The following NUDT21 variants were observed in gnomAD, a reference collection of about 807,000 sequenced individuals.
The protein encoded by NUDT21 is cleavage and polyadenylation specificity factor subunit 5.
Under a neutral mutation model 29.8 loss-of-function variants are expected in NUDT21, and 5 were observed. The ratio of observed to expected loss-of-function variants is 0.17; its 90% CI spans 0.09 to 0.35. NUDT21 has a LOEUF of 0.35. NUDT21 is among the 10% of genes least tolerant of loss of function. The pLI, the probability that NUDT21 is intolerant of heterozygous loss-of-function variation, is 1.00. For missense variants in NUDT21, 76 were observed against 276.0 expected (o/e 0.28, Z 5.13); for synonymous variants, 113 against 98.5 (o/e 1.15, Z -0.87).
chr16:56,450,955 G>T, intron 1 of NUDT21, 132 bp downstream of exon 1: 1 of 686,134 alleles, frequency 1.5e-6, no homozygotes, highest in South Asian at 1.7e-5. Context: ...GGAGGAAGGC[G>T]CGCATCCGCC....
intron 6 of NUDT21, among the ~76,000 whole-genome samples, chr16:56,433,239 A>T (rs1962056533): frequency 6.6e-6 from 1 of 152,232 alleles, no homozygotes; most frequent in Non-Finnish European, 1.5e-5. Flanking sequence ...AATTTCACTA[A>T]CATTTATTAA....
chr16:56,446,513 AGTTGTATTTATT>A, intron 3 of NUDT21, 101 bp downstream of exon 3: 1 of 603,572 alleles, frequency 1.7e-6, no homozygotes, highest in Non-Finnish European at 3.0e-6. Context: ...CTGGAGTTTA[AGTTGTATTTATT>A]GAAAACTAAA....
intron 4 of NUDT21, among the ~76,000 whole-genome samples, chr16:56,435,599 G>A (rs1353405173): frequency 5.4e-5 from 8 of 147,268 alleles, no homozygotes; most frequent in Admixed American, 1.3e-4. Flanking sequence ...GGTGGCGGGC[G>A]CCTGTAGTCC....
In NUDT21 at chr16:56,451,166, A is replaced by G; in HGVS notation, c.37T>C (p.Trp13Arg). 6.2e-7 allele frequency: 1 copy of G among 1,612,826 alleles called. No homozygotes were observed. The highest frequency in any genetic ancestry group is 8.5e-7 in the Non-Finnish European group (1 of 1,179,456). ...VVPPNRSQTG[W>R]PRGVTQFGNK... ...CCGAACTGAGTGACCCCCCGGGGCC[A>G]GCCGGTCTGCGAGCGATTGGGCGGT... Residue 13 changes from tryptophan (W) to arginine (R), a missense_variant, in exon 1 of 7, where the codon TGG becomes CGG. This residue lies in a region of NUDT21 where 3 missense variants were observed against 23.9 expected (regional missense o/e 0.13). Transcript: ENST00000300291.
intron 3 of NUDT21, among the ~76,000 whole-genome samples, chr16:56,443,876 G>A (rs1424976757): frequency 6.6e-6 from 1 of 152,134 alleles, no homozygotes; most frequent in Non-Finnish European, 1.5e-5. Flanking sequence ...CCAGCCTCAG[G>A]TATTCTGTTA....
At position 56,434,751 on chromosome 16, in the gene NUDT21, T is replaced by G; in HGVS notation, c.547+3A>C. 1 of 1,573,644 alleles carries G rather than the reference T, an allele frequency of 6.4e-7. No individual in the cohort carries two copies. ...GGCTACCTTTGAAAACAAAATAACT[T>G]ACCTTTTTCTTGAAGCTGAACCAGA... On this transcript the variant is annotated splice_donor_region_variant and intron_variant, in intron 5 of 6. Coordinates refer to ENST00000300291, the MANE Select transcript of NUDT21 (RefSeq NM_007006.3).
rs557835325 is a variant in NUDT21 at position 56,436,013 on chromosome 16, T to A, written c.472-1184A>T. Among the ~76,000 whole-genome samples the A allele has an allele frequency of 2.8e-3, 414 of 146,662 alleles. 2 individuals are homozygous for A. The highest frequency in any genetic ancestry group is 9.5e-3 in the African/African-American group (384 of 40,386). On this transcript the variant is annotated intron_variant, in intron 4 of 6. Coordinates refer to ENST00000300291, the MANE Select transcript of NUDT21 (RefSeq NM_007006.3). ...TTACTCGAGGAAACAAATATAAAAA[T>A]ATATATATAATATATATGTATATTT...
At chr16:56,444,421 T>C (rs1349516237) in intron 3 of NUDT21, among the ~76,000 whole-genome samples, 3 of 151,558 alleles carry the variant, frequency 2.0e-5, no homozygotes, top group African/African-American at 7.3e-5. Flanking sequence ...CCATCTCTAC[T>C]AAAAATATAA....
At chr16:56,435,743 T>TTTTATATATATATATATATA (rs1555514701) in intron 4 of NUDT21, among the ~76,000 whole-genome samples, 1 of 27,070 alleles carries the variant, frequency 3.7e-5, no homozygotes, top group African/African-American at 1.4e-4. Context: ...AAAAAAAAAA[T>TTTTATATATATATATATATA]TATATATATA....
chr16:56,434,610 T>G, intron 5 of NUDT21, 144 bp downstream of exon 5: 1 of 773,232 alleles, frequency 1.3e-6, no homozygotes, highest in Non-Finnish European at 2.2e-6. Flanking sequence ...AGCCACAGAT[T>G]TGAAACTAAA....
intron 3 of NUDT21, among the ~76,000 whole-genome samples, chr16:56,439,968 C>T (rs908413381): frequency 5.3e-5 from 8 of 152,138 alleles, no homozygotes; most frequent in African/African-American, 1.9e-4. Context: ...AAATTGTGTT[C>T]AAAATTCAGC....
intron 4 of NUDT21, among the ~76,000 whole-genome samples, chr16:56,437,892 T>TTAGCATA (rs1962121685): frequency 6.7e-6 from 1 of 150,326 alleles, no homozygotes; most frequent in Non-Finnish European, 1.5e-5. Flanking sequence ...TAGCAGCATA[T>TTAGCATA]TTTTTTTTTC....
chr16:56,441,883 ATCTTT>A (rs1327038680), intron 3 of NUDT21, among the ~76,000 whole-genome samples: 2 of 152,122 alleles, frequency 1.3e-5, no homozygotes, highest in East Asian at 3.9e-4. Context: ...TATTAATTTC[ATCTTT>A]TCTAAGACAT....
At chr16:56,445,404 C>T (rs186200689) in intron 3 of NUDT21, among the ~76,000 whole-genome samples, 2 of 152,330 alleles carry the variant, frequency 1.3e-5, no homozygotes, top group East Asian at 1.9e-4. Context: ...CCCCCTCAAG[C>T]ATTTATCCTT....
chr16:56,434,204 G>A, intron 6 of NUDT21, 127 bp downstream of exon 6: 1 of 667,590 alleles, frequency 1.5e-6, no homozygotes, highest in Non-Finnish European at 2.7e-6. Context: ...CATGATCTAA[G>A]AGTCTATCTA....
chr16:56,433,445 G>C (rs547316902), intron 6 of NUDT21, among the ~76,000 whole-genome samples: 2 of 152,318 alleles, frequency 1.3e-5, no homozygotes, highest in South Asian at 2.1e-4. Flanking sequence ...ACTGACTGCA[G>C]AATCTACTTT....
intron 4 of NUDT21, among the ~76,000 whole-genome samples, chr16:56,438,738 G>A (rs1460988149): frequency 6.6e-6 from 1 of 151,732 alleles, no homozygotes; most frequent in East Asian, 1.9e-4. Flanking sequence ...ACAACAACAG[G>A]GGAATGCAAT....
chr16:56,448,687 T>C (rs1962245859), intron 1 of NUDT21, among the ~76,000 whole-genome samples: 1 of 152,216 alleles, frequency 6.6e-6, no homozygotes, highest in African/African-American at 2.4e-5. Context: ...TGGCTCAAAC[T>C]GTTAAAGACA....
chr16:56,446,840 T>C, intron 2 of NUDT21, 151 bp from the exon 3 acceptor site: 1 of 527,768 alleles, frequency 1.9e-6, no homozygotes. Context: ...GGGGAGAATA[T>C]GCTTGAATTC....
Sources: gnomAD v4.1 joint callset for allele counts (sites outside exome capture counted in the v4.1 genomes callset) on GRCh38, gnomAD v4.1.1 for gene constraint, gnomAD v4.1.1 regional missense constraint, MANE v1.5 for transcripts, NCBI Gene and HGNC (gene_info 2026-07-23, HGNC 2026-07-21) for gene names.